The following UGGT1 variants were observed in gnomAD, a reference collection of about 807,000 sequenced individuals.
UGGT1 encodes the protein UDP-glucose glycoprotein glucosyltransferase 1.
UGGT1 carries 107 observed loss-of-function variants against 203.9 expected under a neutral mutation model. The observed-to-expected ratio is 0.52, with a 90% CI of 0.45 to 0.62. The LOEUF (loss-of-function observed/expected upper bound fraction) is 0.62, where lower values mean the gene tolerates loss of function less well. Among genes scored for constraint, UGGT1 ranks in the 20% least tolerant of loss-of-function variants. The pLI is 0.00. For missense variants in UGGT1, 1,673 were observed against 1,867.2 expected, an observed-to-expected ratio of 0.90 and a Z score of 1.92; for synonymous variants, 628 against 653.5, an observed-to-expected ratio of 0.96 and a Z score of 0.59.
At chr2:128,129,302 A>C (rs540249218) in intron 13 of UGGT1, 123 bp downstream of exon 13, 2 of 1,165,834 alleles carry the variant, frequency 1.7e-6, no homozygotes, top group African/African-American at 1.6e-5. Context: ...TGAAAGATTT[A>C]TAATTGCTTA....
intron 13 of UGGT1, among the ~76,000 whole-genome samples, chr2:128,132,456 G>A (rs1346089961): frequency 6.6e-6 from 1 of 152,126 alleles, no homozygotes; most frequent in Non-Finnish European, 1.5e-5. Context: ...GCTGAGGCAC[G>A]AGAATCGTTT....
Position 128,105,446 on chromosome 2 carries a change from T to G in UGGT1, c.277+1432T>G, listed in dbSNP as rs543498891. Among the ~76,000 whole-genome samples, 33 of 151,970 alleles carry G rather than the reference T, an allele frequency of 2.2e-4. No homozygotes were observed. The South Asian group carries it at 6.6e-3, about 31-fold the overall frequency. On this transcript the variant is annotated intron_variant, in intron 3 of 40. Transcript: ENST00000259253. ...CTCCTGCCTTGGCATTCCAAAGTGC[T>G]GGGATTACAGGCGTGAGTGACTGCA...
chr2:128,145,541 C>T (rs1689646529), intron 17 of UGGT1: 3 of 343,726 alleles, frequency 8.7e-6, no homozygotes, highest in South Asian at 8.8e-5. Flanking sequence ...AACACACGTA[C>T]ACACACACGC....
chr2:128,119,985 C>T lies in UGGT1; in HGVS notation c.873-371C>T, dbSNP rs76607262. On this transcript the variant is annotated intron_variant, in intron 8 of 40. Transcript: ENST00000259253. ...AGAGACAAGGTCTTGCTGTGTTGCA[C>T]AGGCTGACCTGGAACTCCTGGGCTC... Among the ~76,000 whole-genome samples, 1,435 of 151,620 alleles carry T rather than the reference C, an allele frequency of 9.5e-3. 21 individuals are homozygous for T. The highest frequency in any genetic ancestry group is 0.032 in the African/African-American group (1,312 of 41,310).
In UGGT1 at chr2:128,161,188, C is replaced by T; in HGVS notation, c.2745C>T (p.His915=). The T allele has an allele frequency of 6.2e-7, 1 of 1,614,066 alleles. No homozygotes were observed. The highest frequency in any genetic ancestry group is 8.5e-7 in the Non-Finnish European group (1 of 1,179,998). ...DSELFNQDDF[H]LLENIILKTS... is the part of the protein sequence containing the mutation. ...AGCTCTTTAATCAAGACGATTTCCA[C>T]CTCCTCGAAAATATCATCTTAAAAA... Residue 915 remains histidine, a synonymous_variant, in exon 25 of 41, where the codon CAC becomes CAT. Transcript: ENST00000259253.
chr2:128,122,179 G>C (rs979325401), intron 10 of UGGT1, among the ~76,000 whole-genome samples: 1 of 152,042 alleles, frequency 6.6e-6, no homozygotes, highest in Non-Finnish European at 1.5e-5. Flanking sequence ...TTGCCATGTT[G>C]ATCAGACTGG....
chr2:128,148,761 T>C (rs186992378), intron 18 of UGGT1, among the ~76,000 whole-genome samples: 14 of 152,288 alleles, frequency 9.2e-5, no homozygotes, highest in Non-Finnish European at 1.9e-4. Flanking sequence ...CCAGCCTTTT[T>C]TTTTCTTTGT....
At chr2:128,130,177 G>T (rs1020940510) in intron 13 of UGGT1, among the ~76,000 whole-genome samples, 3 of 151,014 alleles carry the variant, frequency 2.0e-5, no homozygotes, top group African/African-American at 7.3e-5. Flanking sequence ...CAGGAGAATT[G>T]CTTCAACCTG....
At chr2:128,124,709 G>A (rs1462216198) in intron 11 of UGGT1, among the ~76,000 whole-genome samples, 1 of 148,008 alleles carries the variant, frequency 6.8e-6, no homozygotes, top group Non-Finnish European at 1.5e-5. Flanking sequence ...ACACTTTCTG[G>A]TAAGAGTTTT....
At chr2:128,131,913 C>T (rs1220199812) in intron 13 of UGGT1, among the ~76,000 whole-genome samples, 1 of 152,130 alleles carries the variant, frequency 6.6e-6, no homozygotes, top group Admixed American at 6.5e-5. Flanking sequence ...AGGCGTGAGC[C>T]ACCACACCCG....
chr2:128,171,321 T>G (rs1558816903), intron 28 of UGGT1, 37 bp downstream of exon 28: 2 of 1,572,792 alleles, frequency 1.3e-6, no homozygotes, highest in Admixed American at 1.8e-5. Context: ...TTGAAGAAAT[T>G]GTACTGAATC....
intron 11 of UGGT1, among the ~76,000 whole-genome samples, chr2:128,124,758 T>C (rs1688534057): frequency 6.6e-6 from 1 of 152,126 alleles, no homozygotes; most frequent in Non-Finnish European, 1.5e-5. Context: ...TTGTCAAATA[T>C]TTAATTTTCA....
intron 12 of UGGT1, 117 bp downstream of exon 12, chr2:128,127,569 G>T: frequency 1.3e-6 from 1 of 744,510 alleles, no homozygotes; most frequent in Non-Finnish European, 2.3e-6. Flanking sequence ...TGGCTTACCA[G>T]CCCCCACTGG....
At chr2:128,158,556 T>C (rs1047101869) in intron 22 of UGGT1, among the ~76,000 whole-genome samples, 4 of 152,266 alleles carry the variant, frequency 2.6e-5, no homozygotes, top group African/African-American at 9.6e-5. Flanking sequence ...TCCTTTTTCA[T>C]TCTGTAGTAT....
chr2:128,097,725 G>T (rs555254302), intron 2 of UGGT1, among the ~76,000 whole-genome samples, 161 bp downstream of exon 2: 1 of 152,332 alleles, frequency 6.6e-6, no homozygotes, highest in East Asian at 1.9e-4. Flanking sequence ...AGGCTGTTAG[G>T]ACATAGCATC....
intron 37 of UGGT1, 57 bp from the exon 38 acceptor site, chr2:128,183,618 T>G: frequency 1.5e-6 from 2 of 1,331,080 alleles, no homozygotes; most frequent in Non-Finnish European, 2.2e-6. Context: ...TTCATTGGGT[T>G]TAGTTTTCCT....
intron 2 of UGGT1, among the ~76,000 whole-genome samples, chr2:128,101,509 A>T (rs1053616571): frequency 6.6e-6 from 1 of 152,212 alleles, no homozygotes; most frequent in Admixed American, 6.5e-5. Flanking sequence ...ATATTATATA[A>T]GGAGGTATTA....
Position 128,160,493 on chromosome 2 carries a change from G to C in UGGT1, c.2596G>C (p.Glu866Gln), listed in dbSNP as rs1259646975. ...MDFSLFKEVF[E>Q]SSKMDFILSH... ...TTTCAGTCTTTTTAAAGAGGTCTTTGAGTCTTCCAAAATGGATTTCATTTT... is the reference window on the plus strand; with the variant it reads ...TTTCAGTCTTTTTAAAGAGGTCTTTCAGTCTTCCAAAATGGATTTCATTTT... The change falls in exon 24 of 41, where the codon GAG becomes CAG. Residue 866 changes from glutamate to glutamine, a missense_variant. Transcript: ENST00000259253. 26 of 1,611,134 alleles carry C rather than the reference G, an allele frequency of 1.6e-5. No homozygotes were observed. The highest frequency in any genetic ancestry group is 2.2e-5 in the Non-Finnish European group (26 of 1,179,218).
In UGGT1 at chr2:128,180,697, A is replaced by G. The variant is rs145611169; in HGVS notation, c.3901-193A>G. On this transcript the variant is annotated intron_variant, in intron 35 of 40. Coordinates refer to ENST00000259253, the MANE Select transcript of UGGT1 (RefSeq NM_020120.4). ...CATGTGGTGACCAGAAGTCATAAAGAAATGGGGATTTGACAAAGGTTTATA... is the reference window on the plus strand; with the variant it reads ...CATGTGGTGACCAGAAGTCATAAAGGAATGGGGATTTGACAAAGGTTTATA... Among the ~76,000 whole-genome samples the G allele has an allele frequency of 2.1e-3, 326 of 152,364 alleles. 1 individual carries two copies. The highest frequency in any genetic ancestry group is 3.5e-3 in the Non-Finnish European group (237 of 68,030).
Sources: allele counts gnomAD v4.1 joint callset (sites outside exome capture counted in the v4.1 genomes callset), GRCh38; gene constraint gnomAD v4.1.1; transcripts MANE v1.5; gene names NCBI Gene and HGNC (gene_info 2026-07-23, HGNC 2026-07-21).